FANCD2: variants seen among roughly 807,000 people sequenced by gnomAD.
FANCD2 encodes Fanconi anemia group D2 protein.
A neutral mutation model predicts 192.3 loss-of-function variants in FANCD2; 131 were observed. The ratio of observed to expected loss-of-function variants is 0.68; its 90% confidence interval spans 0.59 to 0.79. The LOEUF is 0.79. Among genes scored for constraint, FANCD2 ranks in the 30% least tolerant of loss-of-function variants. The pLI, the probability that FANCD2 is intolerant of heterozygous loss-of-function variation, is 0.00. For missense variants in FANCD2, 1,508 were observed against 1,701.6 expected (o/e 0.89, Z 2.00); for synonymous variants, 524 against 612.5 (o/e 0.86, Z 2.13).
chr3:10,036,795 T>C (rs1169973764), intron 7 of FANCD2, among the ~76,000 whole-genome samples: 1 of 152,112 alleles, frequency 6.6e-6, no homozygotes, highest in Non-Finnish European at 1.5e-5. Flanking sequence ...AGCCAGTTGG[T>C]TGGAATCAGG....
rs566627235 is a variant in FANCD2, at chr3:10,034,218, G to C, written c.206-251G>C. 7.5e-5 allele frequency among the ~76,000 whole-genome samples: 7 copies of C among 92,768 alleles called. 1 individual carries two copies. The highest frequency in any genetic ancestry group is 4.5e-4 in the East Asian group (2 of 4,448). 60.9% of individuals were successfully genotyped at this position (92,768 alleles called of 152,430 possible). The stretch of plus-strand genomic sequence containing the variant: ...ACGTGTCTGTAGTCCCAGCTACTTG[G>C]GGGGGCTGAGGCAGGAGAATCATTT... On this transcript the variant is annotated intron_variant, in intron 3 of 43. Transcript: ENST00000675286.
Position 10,062,018 on chromosome 3 carries a change from T to C in FANCD2, c.1767-133T>C, listed in dbSNP as rs1187015639. ...TAGCATTAGGAGATATACTTAATGC[T>C]AAATGACGAGTTAATGGGTGCAGCA... is the stretch of plus-strand genomic sequence containing the variant. On this transcript the variant is annotated intron_variant, in intron 19 of 43. Transcript: ENST00000675286. 5 of 589,364 alleles carry C rather than the reference T, an allele frequency of 8.5e-6. No homozygotes were observed. In the Admixed American group the frequency reaches 1.3e-4, roughly 16 times the overall value. 36.5% of individuals were successfully genotyped at this position (589,364 alleles called of 1,614,324 possible). A position where few individuals can be genotyped will look rare whatever the true frequency, so the allele number is the denominator to read the frequency against.
At chr3:10,080,708 C>T (rs1212682522) in intron 30 of FANCD2, among the ~76,000 whole-genome samples, 1 of 152,156 alleles carries the variant, frequency 6.6e-6, no homozygotes. Context: ...GAATTCAAGG[C>T]TGCAGTGAGC....
intron 8 of FANCD2, 145 bp downstream of exon 8, chr3:10,039,502 C>A: frequency 1.1e-6 from 1 of 909,692 alleles, no homozygotes; most frequent in Non-Finnish European, 1.7e-6. Context: ...ATTTGAGAAT[C>A]ATAGATACTT....
intron 37 of FANCD2, among the ~76,000 whole-genome samples, chr3:10,090,896 G>GGT (rs1438258043): frequency 6.6e-6 from 1 of 151,558 alleles, no homozygotes; most frequent in Non-Finnish European, 1.5e-5. Context: ...TCTAGTTAGA[G>GGT]GTGAGGAATG....
rs765339192 is a variant in FANCD2, at chr3:10,046,623, C to T, written c.1178C>T (p.Thr393Ile). 2.5e-6 allele frequency: 4 copies of T among 1,614,262 alleles called. No individual in the cohort carries two copies. The highest frequency in any genetic ancestry group is 3.4e-6 in the Non-Finnish European group (4 of 1,180,042). ...CTTTTCATCATCTATAGCACCAATA[C>T]TCAGACAAAGAAGTACATTGACAGG... Reference protein sequence around the residue: ...VMLFIIYSTNTQTKKYIDRVL... With the variant: ...VMLFIIYSTNIQTKKYIDRVL... The change falls in exon 15 of 44, where the codon ACT becomes ATT. Residue 393 changes from threonine to isoleucine, a missense_variant. Thr to Ile is a moderately conservative substitution (Grantham distance 89). Coordinates refer to ENST00000675286, the MANE Select transcript of FANCD2 (RefSeq NM_001018115.3).
At position 10,088,950 on chromosome 3, in the gene FANCD2, G is replaced by C. The variant is rs769935037; in HGVS notation, c.3683G>C (p.Arg1228Thr). ...TCCTCCACATTCCCTACACTGACCA[G>C]GTAAGGGAGTTCTTTCCTCCAGTTT... ...ASSSTFPTLT[R>T]HTFVVFFRVM... Residue 1228 changes from arginine (R) to threonine (T), a missense_variant and splice_region_variant, in exon 36 of 44, where the codon AGG (arginine) becomes ACG (threonine). Transcript: ENST00000675286. 4 of 1,614,032 alleles carry C rather than the reference G, an allele frequency of 2.5e-6. No individual in the cohort carries two copies. The East Asian group carries it at 8.9e-5, about 36-fold the overall frequency.
At chr3:10,053,377 TGGGGTG>T (rs2087276380) in intron 18 of FANCD2, among the ~76,000 whole-genome samples, 1 of 24,648 alleles carries the variant, frequency 4.1e-5, no homozygotes, top group Non-Finnish European at 7.7e-5. Context: ...GGGGACTTTG[TGGGGTG>T]GGGGGAGGCG....
chr3:10,095,449 G>GA lies in FANCD2; in HGVS notation c.4038+176dup, dbSNP rs35844573. 6.2e-3 allele frequency: 3,947 copies of GA among 633,004 alleles called. 100 individuals are homozygous for GA. Among genetic ancestry groups the GA allele is most frequent in the Non-Finnish European group, 2.9e-3 (1,017 of 349,832 alleles). The allele number at this position is 633,004 out of a possible 1,614,324, so 39.2% of individuals were successfully genotyped here. On this transcript the variant is annotated intron_variant, in intron 41 of 43. Coordinates refer to ENST00000675286, the MANE Select transcript of FANCD2 (RefSeq NM_001018115.3). ...CTCCTTGAGATTGGGCAGTCCTCTA[G>GA]AGGGGAATCTCCGCATCTGAAATTT...
At chr3:10,038,866 C>T (rs2086793344) in intron 7 of FANCD2, among the ~76,000 whole-genome samples, 1 of 152,170 alleles carries the variant, frequency 6.6e-6, no homozygotes, top group Non-Finnish European at 1.5e-5. Context: ...CAGGCATGAG[C>T]CACTGCATCT....
intron 18 of FANCD2, among the ~76,000 whole-genome samples, chr3:10,057,789 T>G (rs1384219181): frequency 2.6e-5 from 4 of 152,116 alleles, no homozygotes; most frequent in Admixed American, 6.6e-5. Flanking sequence ...ACTATTAAAA[T>G]TAAAAAAAAC....
intron 40 of FANCD2, chr3:10,094,936 G>A (rs1694863024): frequency 2.0e-6 from 1 of 494,550 alleles, no homozygotes; most frequent in African/African-American, 1.9e-5. Flanking sequence ...TGTTGCAGAT[G>A]GGAAAACTGA....
rs1411930670 is a variant in FANCD2, at chr3:10,039,768, C to T, written c.618C>T (p.Asn206=). The change falls in exon 9 of 44, where the codon AAC becomes AAT. Residue 206 remains asparagine, a synonymous_variant. Coordinates refer to ENST00000675286, the MANE Select transcript of FANCD2 (RefSeq NM_001018115.3). ...IMQLISIAPE[N]LQHDIITSLP... ...AGCTGATCAGTATTGCTCCAGAGAA[C>T]CTGCAGCATGACATCATCACCAGCC... 5.0e-6 allele frequency: 8 copies of T among 1,613,788 alleles called. No homozygotes were observed. Among genetic ancestry groups the T allele is most frequent in the Non-Finnish European group, 6.8e-6 (8 of 1,179,952 alleles).
intron 20 of FANCD2, 50 bp from the exon 21 acceptor site, chr3:10,063,742 G>A: frequency 6.2e-7 from 1 of 1,612,802 alleles, no homozygotes; most frequent in Non-Finnish European, 8.5e-7. Flanking sequence ...AGTGGAGTTT[G>A]GGAAAGATTG....
intron 29 of FANCD2, among the ~76,000 whole-genome samples, chr3:10,076,100 T>C (rs1693527703): frequency 1.3e-5 from 2 of 151,810 alleles, no homozygotes; most frequent in South Asian, 2.1e-4. Context: ...TAAATGTGTA[T>C]TGAGTGAGCA....
At chr3:10,053,831 C>A (rs2087293904) in intron 18 of FANCD2, among the ~76,000 whole-genome samples, 1 of 152,098 alleles carries the variant, frequency 6.6e-6, no homozygotes, top group South Asian at 2.1e-4. Flanking sequence ...TGAAACTGTT[C>A]AGTTTCTGAG....
intron 9 of FANCD2, 66 bp downstream of exon 9, chr3:10,039,911 C>G (rs775157245): frequency 6.3e-6 from 10 of 1,585,230 alleles, no homozygotes; most frequent in Non-Finnish European, 8.6e-6. Context: ...CTGCAGTATG[C>G]AAAGAGCAGT....
At chr3:10,094,221 T>C in intron 39 of FANCD2, 68 bp from the exon 40 acceptor site, 1 of 1,156,054 alleles carries the variant, frequency 8.7e-7, no homozygotes, top group Non-Finnish European at 1.3e-6. Context: ...TGGATGAGAC[T>C]ATTCTGCCTC....
rs1422619071 is a variant in FANCD2 at position 10,065,009 on chromosome 3, T to TG, written c.2168+138dup. 8 of 904,908 alleles carry TG rather than the reference T, an allele frequency of 8.8e-6. No homozygotes were observed. In the Middle Eastern group the frequency reaches 1.3e-3, roughly 151 times the overall value. The allele number at this position is 904,908 out of a possible 1,614,324, so 56.1% of individuals were successfully genotyped here. ...TGGTATTTGGAGAGGTTAGGGAGAA[T>TG]GGGGCAGATTCCTTGTTTTTTCTTG... On this transcript the variant is annotated intron_variant, in intron 23 of 43. Transcript: ENST00000675286.
Sources: gnomAD v4.1 joint callset for allele counts (sites outside exome capture counted in the v4.1 genomes callset) on GRCh38, gnomAD v4.1.1 for gene constraint, MANE v1.5 for transcripts, NCBI Gene and HGNC (gene_info 2026-07-23, HGNC 2026-07-21) for gene names.